TFEB: variants seen among roughly 807,000 people sequenced by gnomAD.
TFEB encodes T-cell transcription factor EB.
TFEB carries 12 observed loss-of-function variants against 48.0 expected under a neutral mutation model. That is an observed-to-expected ratio of 0.25 (90% confidence interval 0.16 to 0.40). The LOEUF is 0.40. Ranked by LOEUF, TFEB falls within the 10% of genes least tolerant of loss-of-function variation. TFEB has a pLI of 1.00. For synonymous variants in TFEB, 244 were observed against 261.4 expected (o/e 0.93, Z 0.64); for missense variants, 509 against 640.3 (o/e 0.79, Z 2.21).
chr6:41,697,505 C>CG (rs1011038986), intron 1 of TFEB, among the ~76,000 whole-genome samples: 9 of 135,982 alleles, frequency 6.6e-5, no homozygotes, highest in Middle Eastern at 3.6e-3. Flanking sequence ...TTCTCCAAAC[C>CG]CCCCCCCTTC....
Position 41,734,732 on chromosome 6 carries a change from G to A in TFEB, c.-23+618C>T, listed in dbSNP as rs905151889. 3.3e-5 allele frequency among the ~76,000 whole-genome samples: 5 copies of A among 152,012 alleles called. No homozygotes were observed. Among genetic ancestry groups the A allele is most frequent in the Non-Finnish European group, 7.4e-5 (5 of 67,976 alleles). ...CAGGGACTCGAGGGGACGGGGCCAG[G>A]GGCGGCTTCTTCAAGAGACCGAGCT... On this transcript the variant is annotated intron_variant, in intron 1 of 8. Transcript: ENST00000373033. The surrounding 1 kb of genome is among the most constrained non-coding windows in gnomAD (Gnocchi z 4.0).
chr6:41,736,194 T>C (rs760692062), upstream of TFEB: 9 of 1,612,860 alleles, frequency 5.6e-6, no homozygotes, highest in African/African-American at 8.0e-5. Flanking sequence ...TCTGAGCTCC[T>C]TTCATGTCAC....
Position 41,691,269 on chromosome 6 carries a change from C to T in TFEB, c.-22-34G>A, listed in dbSNP as rs745674959. On this transcript the variant is annotated intron_variant, in intron 1 of 8. Transcript: ENST00000373033. The surrounding 1 kb of genome is among the most constrained non-coding windows in gnomAD (Gnocchi z 5.2). ...GAGAAGGGGCAGCAGGTATATGAGG[C>T]ACGTGTCCTCCTCAAAGCACAGGGG... 4 of 1,546,346 alleles carry T rather than the reference C, an allele frequency of 2.6e-6. No homozygotes were observed. The Admixed American group carries it at 5.9e-5, about 23-fold the overall frequency.
At chr6:41,700,691 G>A (rs905391556) in intron 1 of TFEB, among the ~76,000 whole-genome samples, 7 of 152,132 alleles carry the variant, frequency 4.6e-5, no homozygotes, top group Non-Finnish European at 8.8e-5. Context: ...CTGAGCACCA[G>A]CAGGAGGTGG....
At chr6:41,687,477 C>T (rs1769070906) in intron 6 of TFEB, among the ~76,000 whole-genome samples, 1 of 152,224 alleles carries the variant, frequency 6.6e-6, no homozygotes. Context: ...AGGTTCCATG[C>T]CTTAACCCAG....
chr6:41,733,192 A>G, intron 1 of TFEB: 1 of 333,488 alleles, frequency 3.0e-6, no homozygotes, highest in Non-Finnish European at 4.3e-6. Context: ...TTCCAGAAAC[A>G]GGCTGAGGAG....
intron 1 of TFEB, among the ~76,000 whole-genome samples, chr6:41,731,011 G>A (rs1257994222): frequency 6.6e-6 from 1 of 152,184 alleles, no homozygotes; most frequent in African/African-American, 2.4e-5. Flanking sequence ...AGGCCTGTTT[G>A]CAACCCATAG....
intron 1 of TFEB, among the ~76,000 whole-genome samples, chr6:41,693,520 A>G (rs572082289): frequency 6.6e-6 from 1 of 152,214 alleles, no homozygotes; most frequent in South Asian, 2.1e-4. Context: ...CACACAGAGC[A>G]GGGAGGAAGC....
intron 1 of TFEB, among the ~76,000 whole-genome samples, chr6:41,706,540 G>A (rs1458796944): frequency 6.6e-6 from 1 of 151,302 alleles, no homozygotes; most frequent in Non-Finnish European, 1.5e-5. Context: ...AAGAGTTGGG[G>A]TTCTGGGAAG....
In TFEB at chr6:41,687,800, C is replaced by T. The variant is rs201131499; in HGVS notation, c.680G>A (p.Ser227Asn). The T allele has an allele frequency of 4.7e-4, 763 of 1,613,654 alleles. No homozygotes were observed. Among genetic ancestry groups the T allele is most frequent in the Non-Finnish European group, 6.3e-4 (746 of 1,179,830 alleles). ...TQKRELTDAE[S>N]RALAKERQKK... Reference sequence around the variant, plus strand: ...CTGCCGCTCCTTGGCCAGGGCCCTGCTCTCAGCATCTGGAGGCCAAAAGAG... The same window carrying T: ...CTGCCGCTCCTTGGCCAGGGCCCTGTTCTCAGCATCTGGAGGCCAAAAGAG... The change falls in exon 6 of 9, where the codon AGC becomes AAC. Residue 227 changes from serine (S) to asparagine (N), a missense_variant. By Grantham distance (46) the Ser-to-Asn change is conservative (BLOSUM62 1). Coordinates refer to ENST00000373033, the MANE Select transcript of TFEB (RefSeq NM_001271944.2).
At chr6:41,693,903 G>A (rs950644888) in intron 1 of TFEB, among the ~76,000 whole-genome samples, 12 of 151,830 alleles carry the variant, frequency 7.9e-5, no homozygotes, top group African/African-American at 2.7e-4. Flanking sequence ...CCCACCACAC[G>A]CACACTAGCC....
In TFEB at chr6:41,734,390, C is replaced by T. The variant is rs1013520274; in HGVS notation, c.-23+960G>A. The T allele has an allele frequency of 5.1e-6, 5 of 984,742 alleles. No individual in the cohort carries two copies. The African/African-American group carries it at 7.0e-5, about 14-fold the overall frequency. 61.0% of individuals were successfully genotyped at this position (984,742 alleles called of 1,614,324 possible). A position where few individuals can be genotyped will look rare whatever the true frequency, so the allele number is the denominator to read the frequency against. ...GCAGCCCGGAGCAGCTCGGGGCAGC[C>T]GTGCGTGAAGCCGGAACCCCGCGCG... is the stretch of plus-strand genomic sequence containing the variant. On this transcript the variant is annotated intron_variant, in intron 1 of 8. Transcript: ENST00000373033. The surrounding 1 kb of genome is among the most constrained non-coding windows in gnomAD (Gnocchi z 4.0).
chr6:41,699,558 T>C (rs1158666921), intron 1 of TFEB, among the ~76,000 whole-genome samples: 1 of 152,224 alleles, frequency 6.6e-6, no homozygotes, highest in East Asian at 1.9e-4. Context: ...AGCTTGTATA[T>C]CATGTCATTC....
chr6:41,708,108 C>T lies in TFEB; in HGVS notation c.-22-16873G>A, dbSNP rs147519986. ...GAGCCAGTGTCTGCCACATGGCAGG[C>T]GCCTCAGCCGCACAGGTCACCTTCC... On this transcript the variant is annotated intron_variant, in intron 1 of 8. Coordinates refer to ENST00000373033, the MANE Select transcript of TFEB (RefSeq NM_001271944.2). Among the ~76,000 whole-genome samples, 8 of 152,338 alleles carry T rather than the reference C, an allele frequency of 5.3e-5. No homozygotes were observed. In the East Asian group the frequency reaches 7.7e-4, roughly 15 times the overall value.
rs899418092 is a variant in TFEB, at chr6:41,724,323, G to A, written c.-23+11027C>T. The stretch of plus-strand genomic sequence containing the variant: ...TATTAAGAAAGGTTAAGCTATTATC[G>A]GTCGTCTGCGTCTCAGGGTGGATGA... On this transcript the variant is annotated intron_variant, in intron 1 of 8. Transcript: ENST00000373033. The surrounding 1 kb of genome is among the most constrained non-coding windows in gnomAD (Gnocchi z 4.4). 4.6e-5 allele frequency among the ~76,000 whole-genome samples: 7 copies of A among 152,144 alleles called. No homozygotes were observed. The highest frequency in any genetic ancestry group is 7.3e-5 in the Non-Finnish European group (5 of 68,028).
At chr6:41,688,077 G>A (rs1322808124) in intron 4 of TFEB, 49 bp from the exon 5 acceptor site, 2 of 1,576,478 alleles carry the variant, frequency 1.3e-6, no homozygotes, top group South Asian at 1.1e-5. Flanking sequence ...CCTCTCCACG[G>A]GGAGCCCCCT....
chr6:41,715,837 C>A (rs908409020), intron 1 of TFEB, among the ~76,000 whole-genome samples: 17 of 152,166 alleles, frequency 1.1e-4, no homozygotes, highest in African/African-American at 4.1e-4. Flanking sequence ...TCCAAGGTCA[C>A]CCAACCTGTG....
intron 1 of TFEB, among the ~76,000 whole-genome samples, chr6:41,696,089 CA>C (rs1561855528): frequency 2.0e-5 from 3 of 152,258 alleles, no homozygotes; most frequent in African/African-American, 7.2e-5. Flanking sequence ...GTTTCTACCA[CA>C]GCCCCAGACA....
chr6:41,690,949 G>A, intron 2 of TFEB, 32 bp from the exon 3 acceptor site: 3 of 1,571,272 alleles, frequency 1.9e-6, no homozygotes, highest in Non-Finnish European at 2.6e-6. Context: ...GGCTCTAGGG[G>A]AGGCTGGGAC....
Sources: allele counts gnomAD v4.1 joint callset (sites outside exome capture counted in the v4.1 genomes callset), GRCh38; gene constraint gnomAD v4.1.1; non-coding constraint Gnocchi (gnomAD v3.1); transcripts MANE v1.5; gene names NCBI Gene and HGNC (gene_info 2026-07-23, HGNC 2026-07-21).